The following SDK1 variants were observed in gnomAD, a reference collection of about 807,000 sequenced individuals.
SDK1 encodes protein sidekick-1.
In SDK1, 157 loss-of-function variants were observed where a neutral mutation model predicts 245.5. The observed-to-expected ratio is 0.64, with a 90% CI of 0.56 to 0.73. The LOEUF (loss-of-function observed/expected upper bound fraction) is 0.73, where lower values mean the gene tolerates loss of function less well. Ranked by LOEUF, SDK1 falls within the 30% of genes least tolerant of loss-of-function variation. The pLI, the probability that SDK1 is intolerant of heterozygous loss-of-function variation, is 0.00. For synonymous variants in SDK1, 1,647 were observed against 1,278.5 expected (o/e 1.29, Z -6.15); for missense variants, 3,583 against 3,002.3 (o/e 1.19, Z -4.52).
chr7:4,260,116 A>G (rs1233014700), intron 44 of SDK1, among the ~76,000 whole-genome samples: 1 of 148,910 alleles, frequency 6.7e-6, no homozygotes, highest in Non-Finnish European at 1.5e-5. Flanking sequence ...AGATGTGTTC[A>G]TCGTCACCTG....
chr7:3,945,514 G>A (rs747172422), intron 5 of SDK1, among the ~76,000 whole-genome samples: 17 of 152,124 alleles, frequency 1.1e-4, no homozygotes, highest in Non-Finnish European at 2.2e-4. Flanking sequence ...AGAACAGGAT[G>A]CAATGAAAAA....
At chr7:3,949,267 A>G (rs1780701489) in intron 5 of SDK1, among the ~76,000 whole-genome samples, 1 of 152,214 alleles carries the variant, frequency 6.6e-6, no homozygotes, top group African/African-American at 2.4e-5. Flanking sequence ...TATAGATTTT[A>G]AAACATTCAT....
intron 4 of SDK1, among the ~76,000 whole-genome samples, chr7:3,685,178 C>A (rs913474980): frequency 6.7e-6 from 1 of 148,378 alleles, no homozygotes; most frequent in Non-Finnish European, 1.5e-5. Flanking sequence ...AAATTTATAC[C>A]AAGACACATC....
At chr7:4,033,613 CAG>C (rs1051961782) in intron 17 of SDK1, among the ~76,000 whole-genome samples, 7 of 151,962 alleles carry the variant, frequency 4.6e-5, no homozygotes, top group Admixed American at 6.6e-5. Context: ...AGCTCTAAAA[CAG>C]AGAAGAAGAA....
intron 1 of SDK1, among the ~76,000 whole-genome samples, chr7:3,516,500 G>A (rs1108879): frequency 0.61 from 92,508 of 151,922 alleles, 28,810 homozygotes; most frequent in South Asian, 0.77. Flanking sequence ...TTTACTGAGT[G>A]TATTTTAAAA....
rs1302916498 is a variant in SDK1 at position 3,301,513 on chromosome 7, C to T, written c.-74C>T. The T allele has an allele frequency of 3.9e-6, 2 of 512,178 alleles. No individual in the cohort carries two copies. Among genetic ancestry groups the T allele is most frequent in the South Asian group, 8.4e-5 (1 of 11,956 alleles). 31.7% of individuals were successfully genotyped at this position (512,178 alleles called of 1,614,324 possible). A position where few individuals can be genotyped will look rare whatever the true frequency, so the allele number is the denominator to read the frequency against. On this transcript the variant is annotated 5_prime_UTR_variant, in exon 1 of 45. Transcript: ENST00000404826. Reference sequence around the variant, plus strand: ...CCGCGCCTCCCGCGGAGTGGCCGCGCCCGCTCGGAGCCGTCCCGCCTGTCC... The same window carrying T: ...CCGCGCCTCCCGCGGAGTGGCCGCGTCCGCTCGGAGCCGTCCCGCCTGTCC...
chr7:3,808,719 G>C (rs1403060952), intron 4 of SDK1, among the ~76,000 whole-genome samples: 6 of 152,120 alleles, frequency 3.9e-5, no homozygotes, highest in Admixed American at 6.5e-5. Context: ...CCATTTCCCT[G>C]TACTTGTTTT....
intron 1 of SDK1, among the ~76,000 whole-genome samples, chr7:3,434,260 T>C (rs1779954157): frequency 1.3e-5 from 2 of 152,222 alleles, no homozygotes; most frequent in Non-Finnish European, 2.9e-5. Context: ...TTTAAAATTC[T>C]TCTAATGCAG....
At chr7:4,196,283 C>T (rs1783572131) in intron 35 of SDK1, among the ~76,000 whole-genome samples, 1 of 152,174 alleles carries the variant, frequency 6.6e-6, no homozygotes, top group African/African-American at 2.4e-5. Context: ...CTCGCTCAGA[C>T]CACCCTCTGC....
chr7:3,971,510 A>T lies in SDK1; in HGVS notation c.1759A>T (p.Lys587Ter). Reference protein sequence around the residue: ...VHPPEDHVVIKGTTATLHCGA... With the variant: ...VHPPEDHVVI ...CCCTCCTGAGGACCACGTGGTGATT[A>T]AGGGGACCACGGCCACGCTGCACTG... Residue 587 changes from lysine to a stop codon, truncating the protein, a stop_gained, in exon 12 of 45, where the codon AAG (lysine) becomes TAG (stop). Transcript: ENST00000404826. LOFTEE classifies it high-confidence loss of function. 1 of 1,613,756 alleles carries T rather than the reference A, an allele frequency of 6.2e-7. No homozygotes were observed. Among genetic ancestry groups the T allele is most frequent in the Non-Finnish European group, 8.5e-7 (1 of 1,179,868 alleles).
intron 1 of SDK1, among the ~76,000 whole-genome samples, chr7:3,553,116 C>T (rs987777513): frequency 2.6e-5 from 4 of 151,992 alleles, no homozygotes; most frequent in Non-Finnish European, 4.4e-5. Flanking sequence ...CTTTCCTATT[C>T]ATATATTTTT....
chr7:3,600,558 T>C (rs113898483), intron 1 of SDK1, among the ~76,000 whole-genome samples: 1 of 99,970 alleles, frequency 1.0e-5, no homozygotes, highest in Admixed American at 1.2e-4. Flanking sequence ...GTAGTTTTTT[T>C]TTTTTTTTTT....
At position 4,054,542 on chromosome 7, in the gene SDK1, A is replaced by G. The variant is rs561592729; in HGVS notation, c.2911+2712A>G. Reference sequence around the variant, plus strand: ...GATCTTGAATGTTTCTAAGGCCACAAAAATCATCTGGGTTCCTTTATAGCC... The same window carrying G: ...GATCTTGAATGTTTCTAAGGCCACAGAAATCATCTGGGTTCCTTTATAGCC... On this transcript the variant is annotated intron_variant, in intron 19 of 44. Transcript: ENST00000404826. Among the ~76,000 whole-genome samples the G allele has an allele frequency of 1.3e-4, 20 of 152,290 alleles. No individual in the cohort carries two copies. The South Asian group carries it at 3.5e-3, about 27-fold the overall frequency.
chr7:3,346,827 A>ATAT (rs1228887289), intron 1 of SDK1, among the ~76,000 whole-genome samples: 50 of 16,374 alleles, frequency 3.1e-3, no homozygotes, highest in South Asian at 0.01. Context: ...ATATATATAT[A>ATAT]TTTTTTTTTT....
rs115506921 is a variant in SDK1, at chr7:4,194,077, G to A, written c.5099-11802G>A. ...CTAATCATATTAAGCAGCCAACTCC[G>A]GAAACCGCAAAACCAACAGAAGAAC... On this transcript the variant is annotated intron_variant, in intron 35 of 44. Transcript: ENST00000404826. Among the ~76,000 whole-genome samples the A allele has an allele frequency of 9.7e-3, 1,477 of 152,106 alleles. 24 individuals are homozygous for A. The highest frequency in any genetic ancestry group is 0.034 in the African/African-American group (1,393 of 41,478).
At chr7:3,687,074 C>G (rs1342053805) in intron 4 of SDK1, among the ~76,000 whole-genome samples, 1 of 150,364 alleles carries the variant, frequency 6.7e-6, no homozygotes, top group East Asian at 1.9e-4. Flanking sequence ...CACACACACA[C>G]ACACACACAC....
At chr7:3,418,308 C>T (rs1161354788) in intron 1 of SDK1, among the ~76,000 whole-genome samples, 6 of 152,098 alleles carry the variant, frequency 3.9e-5, no homozygotes, top group Admixed American at 1.3e-4. Flanking sequence ...CAGAGCGAGA[C>T]TCCATCTCAG....
intron 2 of SDK1, among the ~76,000 whole-genome samples, 181 bp from the exon 3 acceptor site, chr7:3,638,823 T>A (rs186223513): frequency 4.2e-4 from 64 of 151,402 alleles, no homozygotes; most frequent in African/African-American, 1.5e-3. Flanking sequence ...TAAATGGTGG[T>A]TCTAGTTAGT....
intron 43 of SDK1, among the ~76,000 whole-genome samples, chr7:4,245,361 C>T (rs1786780862): frequency 6.6e-6 from 1 of 152,184 alleles, no homozygotes; most frequent in South Asian, 2.1e-4. Flanking sequence ...AGCTCCCCGG[C>T]CTCCTATCTG....
Sources: gnomAD v4.1 joint callset for allele counts (sites outside exome capture counted in the v4.1 genomes callset) on GRCh38, gnomAD v4.1.1 for gene constraint, MANE v1.5 for transcripts, NCBI Gene and HGNC (gene_info 2026-07-23, HGNC 2026-07-21) for gene names.